REDIC1: variants seen among roughly 807,000 people sequenced by gnomAD.
The protein encoded by REDIC1 is HEI10 Interacting Protein 1.
the REDIC1 span, among the ~76,000 whole-genome samples, chr12:39,729,109 G>T: frequency 6.6e-6 from 1 of 152,022 alleles, no homozygotes; most frequent in Non-Finnish European, 1.5e-5. Flanking sequence ...CAAAAAACCA[G>T]CTCCCAGATT....
chr12:39,654,355 A>C, the REDIC1 span, among the ~76,000 whole-genome samples: 2 of 152,094 alleles, frequency 1.3e-5, no homozygotes, highest in Non-Finnish European at 2.9e-5. Flanking sequence ...TGGGAGGCCA[A>C]GGTGGGCGGA....
the REDIC1 span, among the ~76,000 whole-genome samples, chr12:39,786,434 TC>T: frequency 2.6e-5 from 1 of 39,056 alleles, no homozygotes; most frequent in East Asian, 8.9e-4. Context: ...CTCTTTTTCT[TC>T]CCAGTTTTCA....
the REDIC1 span, among the ~76,000 whole-genome samples, chr12:39,711,734 T>C: frequency 2.2e-4 from 27 of 124,562 alleles, no homozygotes; most frequent in Admixed American, 1.4e-3. Context: ...CATGCATGTG[T>C]GTATGTGTGT....
chr12:39,901,332 T>C, the REDIC1 span, among the ~76,000 whole-genome samples: 1 of 151,704 alleles, frequency 6.6e-6, no homozygotes, highest in Admixed American at 6.6e-5. Flanking sequence ...AAAGCCAAAA[T>C]TGACAAATGG....
chr12:39,746,388 C>T, the REDIC1 span, among the ~76,000 whole-genome samples: 1 of 152,106 alleles, frequency 6.6e-6, no homozygotes, highest in Non-Finnish European at 1.5e-5. Context: ...GAGGGGTGCC[C>T]ACCATTGCTG....
the REDIC1 span, among the ~76,000 whole-genome samples, chr12:39,772,322 GT>G: frequency 6.6e-6 from 1 of 152,038 alleles, no homozygotes; most frequent in Non-Finnish European, 1.5e-5. Flanking sequence ...TCCATATAGG[GT>G]TGTTACAAAG....
At chr12:39,819,395 A>G in the REDIC1 span, among the ~76,000 whole-genome samples, 1 of 152,168 alleles carries the variant, frequency 6.6e-6, no homozygotes, top group Non-Finnish European at 1.5e-5. Context: ...TAATCTTTAA[A>G]TATTTACAGA....
chr12:39,893,683 C>A, the REDIC1 span, among the ~76,000 whole-genome samples: 1 of 152,166 alleles, frequency 6.6e-6, no homozygotes, highest in Non-Finnish European at 1.5e-5. Flanking sequence ...AAAAACTGAT[C>A]TTTTATGCAA....
the REDIC1 span, among the ~76,000 whole-genome samples, chr12:39,842,008 A>G: frequency 2.6e-5 from 4 of 152,092 alleles, no homozygotes; most frequent in Non-Finnish European, 5.9e-5. Context: ...CATTGGCATC[A>G]TGAGGGAGGC....
chr12:39,668,631 A>T, the REDIC1 span, among the ~76,000 whole-genome samples: 2 of 152,120 alleles, frequency 1.3e-5, no homozygotes, highest in African/African-American at 4.8e-5. Context: ...GTTCTCCTGG[A>T]TAATATCCTG....
chr12:39,711,807 GTA>G, the REDIC1 span, among the ~76,000 whole-genome samples: 7 of 98,062 alleles, frequency 7.1e-5, no homozygotes, highest in South Asian at 1.0e-3. Flanking sequence ...ACATGCATGT[GTA>G]TGTGTGTACA....
chr12:39,661,672 T>C, the REDIC1 span, among the ~76,000 whole-genome samples: 11 of 152,154 alleles, frequency 7.2e-5, no homozygotes, highest in East Asian at 1.9e-4. Flanking sequence ...GTCCCACTTA[T>C]CTATTTTTTT....
the REDIC1 span, among the ~76,000 whole-genome samples, chr12:39,823,756 A>G: frequency 6.6e-6 from 1 of 152,190 alleles, no homozygotes; most frequent in Non-Finnish European, 1.5e-5. Flanking sequence ...GCTTCTTCCA[A>G]TAATTTTTAA....
chr12:39,633,333 A>G, the REDIC1 span, among the ~76,000 whole-genome samples: 5 of 152,122 alleles, frequency 3.3e-5, no homozygotes, highest in Non-Finnish European at 4.4e-5. Context: ...GGGATCATCA[A>G]TCTCATTGTC....
chr12:39,746,427 G>T, the REDIC1 span, among the ~76,000 whole-genome samples: 6 of 152,172 alleles, frequency 3.9e-5, no homozygotes, highest in Admixed American at 3.3e-4. Context: ...AAAACTGCCG[G>T]GAAGCTCGAA....
At chr12:39,785,452 G>A in the REDIC1 span, among the ~76,000 whole-genome samples, 4 of 152,238 alleles carry the variant, frequency 2.6e-5, no homozygotes, top group South Asian at 8.3e-4. Context: ...GGAAATGCCT[G>A]GATGCCCAGG....
chr12:39,629,526 A>G, the REDIC1 span, among the ~76,000 whole-genome samples: 2 of 152,216 alleles, frequency 1.3e-5, no homozygotes, highest in African/African-American at 4.8e-5. Flanking sequence ...CTTTTCTTAT[A>G]TAAACCAAAC....
chr12:39,696,924 G>C, the REDIC1 span, among the ~76,000 whole-genome samples: 8 of 152,248 alleles, frequency 5.3e-5, no homozygotes, highest in Admixed American at 3.9e-4. Flanking sequence ...ATGCCTACAG[G>C]ATCTAGAAAA....
chr12:39,680,768 G>GCACACACA, the REDIC1 span, among the ~76,000 whole-genome samples: 1 of 149,704 alleles, frequency 6.7e-6, no homozygotes, highest in Non-Finnish European at 1.5e-5. Context: ...AAATACATAC[G>GCACACACA]CACACACACA....
Sources: allele counts gnomAD v4.1 joint callset (sites outside exome capture counted in the v4.1 genomes callset), GRCh38; gene constraint gnomAD v4.1.1; transcripts MANE v1.5; gene names NCBI Gene and HGNC (gene_info 2026-07-23, HGNC 2026-07-21).